Variants in BRWD1 observed in about 807,000 individuals in gnomAD.
BRWD1 encodes bromodomain and WD repeat domain containing 1, also known as bromodomain and WD repeat-containing protein 1.
In BRWD1, 82 loss-of-function variants were observed where a neutral mutation model predicts 251.2. The ratio of observed to expected loss-of-function variants is 0.33; its 90% CI spans 0.27 to 0.39. The LOEUF (loss-of-function observed/expected upper bound fraction) is 0.39. Ranked by LOEUF, BRWD1 falls within the 10% of genes least tolerant of loss-of-function variation. The pLI is 1.00. For missense variants in BRWD1, 2,233 were observed against 2,711.6 expected (o/e 0.82, Z 3.92); for synonymous variants, 918 against 902.8 (o/e 1.02, Z -0.30).
chr21:39,303,336 T>G (rs1242936111), intron 4 of BRWD1, among the ~76,000 whole-genome samples: 1 of 151,726 alleles, frequency 6.6e-6, no homozygotes, highest in Non-Finnish European at 1.5e-5. Context: ...CTGGCAAATG[T>G]GGTGAAACCC....
At chr21:39,215,105 AGTGATCTGACG>A in intron 32 of BRWD1, 121 bp downstream of exon 32, 1 of 809,664 alleles carries the variant, frequency 1.2e-6, no homozygotes, top group Admixed American at 2.4e-5. Context: ...CCTGACCGCA[AGTGATCTGACG>A]GCCTTCACTT....
chr21:39,205,024 T>A (rs975045434), intron 37 of BRWD1, among the ~76,000 whole-genome samples: 1 of 152,278 alleles, frequency 6.6e-6, no homozygotes, highest in African/African-American at 2.4e-5. Flanking sequence ...TTAATAAGAT[T>A]TGAAAAAATC....
intron 31 of BRWD1, chr21:39,216,503 C>T (rs2032897887): frequency 6.4e-6 from 1 of 156,500 alleles, no homozygotes; most frequent in African/African-American, 2.4e-5. Context: ...CTACTCATGT[C>T]GGCTGTGAGA....
Position 39,194,539 on chromosome 21 carries a change from A to G in BRWD1, c.*1720T>C. The G allele has an allele frequency of 6.9e-7, 1 of 1,440,608 alleles. No individual in the cohort carries two copies. Among genetic ancestry groups the G allele is most frequent in the Non-Finnish European group, 9.1e-7 (1 of 1,103,472 alleles). The allele number at this position is 1,440,608 out of a possible 1,614,324, so 89.2% of individuals were successfully genotyped here. On this transcript the variant is annotated 3_prime_UTR_variant, in exon 41 of 41. Coordinates refer to ENST00000342449, the MANE Select transcript of BRWD1 (RefSeq NM_033656.4). ...AATGGTGATAGCTCTCTAAGCCACA[A>G]ATGAGAGGAGGTTTCCCACCTATCT...
intron 13 of BRWD1, 27 bp downstream of exon 13, chr21:39,274,347 C>T: frequency 6.5e-7 from 1 of 1,533,642 alleles, no homozygotes; most frequent in Non-Finnish European, 9.0e-7. Context: ...ACCTATGATG[C>T]ACCTACTTCT....
In BRWD1 at chr21:39,199,572, C is replaced by T. The variant is rs865980955; in HGVS notation, c.4844G>A (p.Gly1615Asp). ...TCCAGCTCTGGCTTTTAGAATTTCA[C>T]CAGTCTCCAATGAATTGTTATCAGA... ...SDSDNNSLET[G>D]EILKARAGNN... is the part of the protein sequence containing the mutation. Residue 1615 changes from glycine (G) to aspartate (D), a missense_variant, in exon 40 of 41, where the codon GGT becomes GAT. Gly to Asp is a moderately conservative substitution (Grantham distance 94). Coordinates refer to ENST00000342449, the MANE Select transcript of BRWD1 (RefSeq NM_033656.4). 6 of 1,614,182 alleles carry T rather than the reference C, an allele frequency of 3.7e-6. No homozygotes were observed. In the Middle Eastern group the frequency reaches 4.9e-4, roughly 133 times the overall value.
chr21:39,252,807 A>C (rs2034438855), intron 19 of BRWD1, among the ~76,000 whole-genome samples: 1 of 109,258 alleles, frequency 9.2e-6, no homozygotes, highest in African/African-American at 4.0e-5. Context: ...AAATGACAAC[A>C]TTCTGGTCAA....
chr21:39,230,027 C>T (rs1004935134), intron 25 of BRWD1, among the ~76,000 whole-genome samples: 1 of 152,204 alleles, frequency 6.6e-6, no homozygotes, highest in Non-Finnish European at 1.5e-5. Flanking sequence ...GTGTGGCCTG[C>T]CACACCCAGT....
At chr21:39,230,976 G>A (rs533649021) in intron 25 of BRWD1, among the ~76,000 whole-genome samples, 13 of 152,230 alleles carry the variant, frequency 8.5e-5, no homozygotes, top group Non-Finnish European at 1.5e-4. Flanking sequence ...CACAAATACA[G>A]AATCCAAGAA....
intron 27 of BRWD1, 25 bp downstream of exon 27, chr21:39,228,475 T>A (rs1354126561): frequency 6.5e-7 from 1 of 1,542,464 alleles, no homozygotes; most frequent in East Asian, 2.3e-5. Context: ...TAAGGGTATA[T>A]AAAACTTAGT....
chr21:39,214,014 G>C (rs2032777798), intron 32 of BRWD1, among the ~76,000 whole-genome samples: 1 of 151,840 alleles, frequency 6.6e-6, no homozygotes, highest in Admixed American at 6.6e-5. Flanking sequence ...GCTGAAATAT[G>C]GATATCTAAG....
At position 39,186,820 on chromosome 21, in the gene BRWD1, T is replaced by C; in HGVS notation, c.*9439A>G. 1.3e-6 allele frequency: 1 copy of C among 753,224 alleles called. No homozygotes were observed. 46.7% of individuals were successfully genotyped at this position (753,224 alleles called of 1,614,324 possible). A position where few individuals can be genotyped will look rare whatever the true frequency, so the allele number is the denominator to read the frequency against. On this transcript the variant is annotated 3_prime_UTR_variant, in exon 41 of 41. Transcript: ENST00000342449. ...TCTTTCCACCTCTCCACCTACAGACTCTGCAATTTATTTCCTCCTCAGAAT... is the reference window on the plus strand; with the variant it reads ...TCTTTCCACCTCTCCACCTACAGACCCTGCAATTTATTTCCTCCTCAGAAT...
chr21:39,274,888 A>C (rs978495181), intron 12 of BRWD1, among the ~76,000 whole-genome samples: 1 of 152,142 alleles, frequency 6.6e-6, no homozygotes, highest in Admixed American at 6.5e-5. Flanking sequence ...AAAAATACAA[A>C]AATTAGCCAG....
chr21:39,284,093 A>C (rs912126782), intron 8 of BRWD1, among the ~76,000 whole-genome samples: 6 of 152,212 alleles, frequency 3.9e-5, no homozygotes, highest in African/African-American at 1.4e-4. Flanking sequence ...TCAGTGGTAA[A>C]ATAAGCACTC....
At position 39,305,866 on chromosome 21, in the gene BRWD1, G is replaced by GAA. The variant is rs368458821; in HGVS notation, c.198+6973_198+6974dup. 9.1e-3 allele frequency among the ~76,000 whole-genome samples: 1,198 copies of GAA among 131,880 alleles called. 12 individuals carry two copies. The highest frequency in any genetic ancestry group is 0.022 in the African/African-American group (777 of 34,828). 86.5% of individuals were successfully genotyped at this position (131,880 alleles called of 152,430 possible). ...CGACGGTGCAAGACTGTCTCAAAAA[G>GAA]AAAAAAAAAAAAAAAACCTTATCGG... On this transcript the variant is annotated intron_variant, in intron 4 of 40. Coordinates refer to ENST00000342449, the MANE Select transcript of BRWD1 (RefSeq NM_033656.4).
chr21:39,313,372 A>G (rs1467668610), intron 1 of BRWD1, 71 bp downstream of exon 1: 12 of 1,472,490 alleles, frequency 8.1e-6, no homozygotes, highest in Non-Finnish European at 1.1e-5. Context: ...GAGCCGGGGG[A>G]GCCCGGGGAG....
chr21:39,194,972 A>ATTTAATGATAC lies in BRWD1; in HGVS notation c.*1286_*1287insGTATCATTAAA. ...AACCATTTGAATCAAGTCCATCTTC[A>ATTTAATGATAC]GGCACAAACAAGTTAGGAATGGCCA... On this transcript the variant is annotated 3_prime_UTR_variant, in exon 41 of 41. Transcript: ENST00000342449. 7.0e-7 allele frequency: 1 copy of ATTTAATGATAC among 1,437,386 alleles called. No individual in the cohort carries two copies. Among genetic ancestry groups the ATTTAATGATAC allele is most frequent in the South Asian group, 1.5e-5 (1 of 66,658 alleles). 89.0% of individuals were successfully genotyped at this position (1,437,386 alleles called of 1,614,324 possible).
intron 23 of BRWD1, chr21:39,235,451 TACAGTAA>T (rs2146563280): frequency 6.4e-6 from 1 of 155,492 alleles, no homozygotes; most frequent in Admixed American, 6.5e-5. Context: ...TAGTGAACCC[TACAGTAA>T]ACTGCCTCTC....
intron 39 of BRWD1, among the ~76,000 whole-genome samples, chr21:39,199,903 AC>A (rs1053060126): frequency 6.6e-6 from 1 of 152,098 alleles, no homozygotes; most frequent in Non-Finnish European, 1.5e-5. Context: ...AGCACCAGTC[AC>A]CATGCCTGGC....
Sources: allele counts gnomAD v4.1 joint callset (sites outside exome capture counted in the v4.1 genomes callset), GRCh38; gene constraint gnomAD v4.1.1; transcripts MANE v1.5; gene names NCBI Gene and HGNC (gene_info 2026-07-23, HGNC 2026-07-21).